AP3D1: variants seen among roughly 807,000 people sequenced by gnomAD.
The protein encoded by AP3D1 is AP-3 complex subunit delta-1.
AP3D1 carries 51 observed loss-of-function variants against 147.6 expected under a neutral mutation model. The ratio of observed to expected loss-of-function variants is 0.35; its 90% CI spans 0.28 to 0.44. AP3D1 has a LOEUF of 0.44. AP3D1 is among the 20% of genes least tolerant of loss of function. The pLI is 1.00. For missense variants in AP3D1, 1,421 were observed against 1,624.2 expected (o/e 0.87, Z 2.15); for synonymous variants, 760 against 663.0 (o/e 1.15, Z -2.25).
chr19:2,111,913 C>CT (rs754969586), intron 24 of AP3D1, 85 bp from the exon 25 acceptor site: 110 of 1,589,182 alleles, frequency 6.9e-5, no homozygotes, highest in Non-Finnish European at 9.0e-5. Context: ...CACAGCAGGG[C>CT]TGCTCAGGCT....
intron 6 of AP3D1, among the ~76,000 whole-genome samples, chr19:2,130,062 G>A (rs1399777953): frequency 6.6e-6 from 1 of 152,220 alleles, no homozygotes; most frequent in African/African-American, 2.4e-5. Flanking sequence ...ACTAGGTGGA[G>A]GCAGCTCCTG....
At chr19:2,112,042 G>A (rs917153027) in intron 24 of AP3D1, 23 of 680,156 alleles carry the variant, frequency 3.4e-5, no homozygotes, top group South Asian at 5.8e-5. Flanking sequence ...GGCGGCAAGC[G>A]CCAAAGCAGC....
chr19:2,154,652 C>T (rs1379612560), upstream of AP3D1, among the ~76,000 whole-genome samples: 1 of 152,228 alleles, frequency 6.6e-6, no homozygotes, highest in African/African-American at 2.4e-5. Context: ...TGTCCCTTTT[C>T]ACTGCCCAAG....
intron 31 of AP3D1, among the ~76,000 whole-genome samples, chr19:2,103,606 C>T (rs905535236): frequency 5.3e-5 from 8 of 152,174 alleles, no homozygotes; most frequent in African/African-American, 9.7e-5. Flanking sequence ...AGGCCGCTGC[C>T]GGGTCCCAAG....
At chr19:2,151,801 G>C (rs750399037), upstream of AP3D1, among the ~76,000 whole-genome samples, 2 of 152,242 alleles carry the variant, frequency 1.3e-5, no homozygotes, top group East Asian at 3.8e-4. Context: ...CTTCTTCCTA[G>C]TTCTGAGCCC....
intron 8 of AP3D1, among the ~76,000 whole-genome samples, 173 bp from the exon 9 acceptor site, chr19:2,127,374 G>C (rs1226274272): frequency 6.6e-6 from 1 of 152,202 alleles, no homozygotes; most frequent in African/African-American, 2.4e-5. Context: ...GCTGGTCATC[G>C]TCTCATCTTC....
intron 1 of AP3D1, among the ~76,000 whole-genome samples, chr19:2,150,272 C>CGCAGGGAA (rs1281833822): frequency 1.2e-4 from 19 of 152,312 alleles, no homozygotes; most frequent in African/African-American, 4.6e-4. Context: ...TTGCTGTCCA[C>CGCAGGGAA]GCAGGGAAGC....
intron 31 of AP3D1, among the ~76,000 whole-genome samples, chr19:2,104,625 AG>A (rs1445803234): frequency 3.3e-5 from 5 of 151,462 alleles, no homozygotes; most frequent in Non-Finnish European, 7.4e-5. Context: ...CAAGGCCATC[AG>A]CGTACCAAGG....
Position 2,123,001 on chromosome 19 carries a change from C to A in AP3D1, c.955+357G>T, listed in dbSNP as rs146887498. On this transcript the variant is annotated intron_variant, in intron 11 of 31. Coordinates refer to ENST00000643116, the MANE Select transcript of AP3D1 (RefSeq NM_001261826.3). ...CACAACGCAAAGCCTCACGCACCCCCGCAAAAACATGCAGAGGCTGAAATA... is the reference window on the plus strand; with the variant it reads ...CACAACGCAAAGCCTCACGCACCCCAGCAAAAACATGCAGAGGCTGAAATA... 1.1e-4 allele frequency among the ~76,000 whole-genome samples: 17 copies of A among 152,332 alleles called. No individual in the cohort carries two copies. The South Asian group carries it at 1.2e-3, about 11-fold the overall frequency.
At chr19:2,133,168 G>A (rs1238460209) in intron 4 of AP3D1, among the ~76,000 whole-genome samples, 3 of 152,200 alleles carry the variant, frequency 2.0e-5, no homozygotes, top group Non-Finnish European at 4.4e-5. Flanking sequence ...ACAGGATGGG[G>A]TCCTCAGAGA....
At position 2,112,631 on chromosome 19, in the gene AP3D1, C is replaced by T. The variant is rs1012955194; in HGVS notation, c.2787+229G>A. 4 of 497,810 alleles carry T rather than the reference C, an allele frequency of 8.0e-6. No individual in the cohort carries two copies. In the South Asian group the frequency reaches 1.3e-4, roughly 16 times the overall value. 30.8% of individuals were successfully genotyped at this position (497,810 alleles called of 1,614,324 possible). ...TGAATATACAGAAAACCACTGTATA[C>T]ATACTTCAAATGAATAAACTCTATG... is the stretch of plus-strand genomic sequence containing the variant. On this transcript the variant is annotated intron_variant, in intron 24 of 31. Coordinates refer to ENST00000643116, the MANE Select transcript of AP3D1 (RefSeq NM_001261826.3).
In AP3D1 at chr19:2,116,701, C is replaced by T. The variant is rs2018463259; in HGVS notation, c.1905G>A (p.Glu635=). 3 of 1,611,616 alleles carry T rather than the reference C, an allele frequency of 1.9e-6. No homozygotes were observed. The highest frequency in any genetic ancestry group is 2.7e-5 in the African/African-American group (2 of 75,042). ...AWINEPLSDS[E]SEDERPRAVF... Reference sequence around the variant, plus strand: ...CGGCCCTGGGCCTCTCGTCCTCTGACTCGCTGTCCGAGAGTGGCTCATTGA... The same window carrying T: ...CGGCCCTGGGCCTCTCGTCCTCTGATTCGCTGTCCGAGAGTGGCTCATTGA... Residue 635 remains glutamate, a synonymous_variant, in exon 17 of 32, where the codon GAG becomes GAA. Transcript: ENST00000643116.
At chr19:2,149,391 A>T (rs1283484897) in intron 1 of AP3D1, among the ~76,000 whole-genome samples, 3 of 152,034 alleles carry the variant, frequency 2.0e-5, no homozygotes, top group African/African-American at 7.2e-5. Flanking sequence ...CTAAAAATAC[A>T]AAATTAGCTG....
intron 17 of AP3D1, 81 bp from the exon 18 acceptor site, chr19:2,116,359 T>C: frequency 5.6e-6 from 8 of 1,436,430 alleles, no homozygotes; most frequent in Non-Finnish European, 7.6e-6. Context: ...GCCACCCAGC[T>C]GGGGAAGGCT....
chr19:2,161,535 T>A (rs1298874652), intron 1 of AP3D1, among the ~76,000 whole-genome samples: 1 of 152,056 alleles, frequency 6.6e-6, no homozygotes, highest in African/African-American at 2.4e-5. Flanking sequence ...AGGAAAATAA[T>A]GTCAAGGTCA....
chr19:2,115,477 C>T (rs2018419694), intron 19 of AP3D1, 59 bp from the exon 20 acceptor site: 5 of 1,607,964 alleles, frequency 3.1e-6, no homozygotes, highest in East Asian at 2.2e-5. Flanking sequence ...ACGGGGAGGG[C>T]GGCGGGAGCA....
intron 1 of AP3D1, chr19:2,164,193 G>C (rs1321616651): frequency 7.9e-7 from 1 of 1,263,908 alleles, no homozygotes; most frequent in Non-Finnish European, 1.0e-6. Context: ...ACATGGGGGA[G>C]AAGCTGGAGC....
rs745678384 is a variant in AP3D1 at position 2,164,315 on chromosome 19, C to T, written c.-103+41G>A. ...TACCTCCCGGCCTCCCCTCCTCCGC[C>T]GCCCCTGGGGACACCCCAAACCCCC... is the stretch of plus-strand genomic sequence containing the variant. On this transcript the variant is annotated intron_variant, in intron 1 of 14. Coordinates refer to the AP3D1 transcript ENST00000643010. 2.1e-5 allele frequency: 25 copies of T among 1,212,738 alleles called. 1 individual carries two copies. In the East Asian group the frequency reaches 3.8e-4, roughly 19 times the overall value. 75.1% of individuals were successfully genotyped at this position (1,212,738 alleles called of 1,614,324 possible). A position where few individuals can be genotyped will look rare whatever the true frequency, so the allele number is the denominator to read the frequency against.
intron 30 of AP3D1, 152 bp from the exon 31 acceptor site, chr19:2,108,918 G>A (rs912446498): frequency 1.5e-6 from 2 of 1,311,012 alleles, no homozygotes; most frequent in East Asian, 2.5e-5. Flanking sequence ...TGGGGTGTGG[G>A]GAATGCAGCC....
Sources: allele counts gnomAD v4.1 joint callset (sites outside exome capture counted in the v4.1 genomes callset), GRCh38; gene constraint gnomAD v4.1.1; transcripts MANE v1.5; gene names NCBI Gene and HGNC (gene_info 2026-07-23, HGNC 2026-07-21).